Variants in SLC25A21 observed in about 807,000 individuals in gnomAD.
SLC25A21 encodes mitochondrial 2-oxodicarboxylate carrier.
Under a neutral mutation model 43.8 loss-of-function variants are expected in SLC25A21, and 47 were observed. The observed-to-expected ratio is 1.07, with a 90% CI of 0.85 to 1.37. The LOEUF is 1.37. SLC25A21 is among the 40% of genes most tolerant of loss of function. The probability of loss-of-function intolerance (pLI) is 0.00; values close to 1 mark genes in which losing one functional copy is unlikely to be tolerated. For missense variants in SLC25A21, 352 were observed against 350.2 expected (o/e 1.00, Z -0.04); for synonymous variants, 131 against 121.3 (o/e 1.08, Z -0.52).
chr14:36,711,098 C>G (rs776571398), intron 7 of SLC25A21, among the ~76,000 whole-genome samples: 10 of 152,206 alleles, frequency 6.6e-5, no homozygotes, highest in Non-Finnish European at 1.0e-4. Context: ...CTCAACTTTA[C>G]TGTCTACTAT....
At chr14:36,883,026 T>A (rs2564848) in intron 1 of SLC25A21, among the ~76,000 whole-genome samples, 2 of 152,014 alleles carry the variant, frequency 1.3e-5, no homozygotes, top group South Asian at 2.1e-4. Context: ...AGCAGATCAA[T>A]GGTAGCAGGC....
At chr14:36,864,297 A>C (rs1188770902) in intron 2 of SLC25A21, among the ~76,000 whole-genome samples, 1 of 152,224 alleles carries the variant, frequency 6.6e-6, no homozygotes, top group Non-Finnish European at 1.5e-5. Flanking sequence ...ATATTAATTC[A>C]TTTAAAACCA....
intron 1 of SLC25A21, among the ~76,000 whole-genome samples, chr14:36,884,145 C>A (rs944399346): frequency 6.6e-6 from 1 of 152,174 alleles, no homozygotes; most frequent in Non-Finnish European, 1.5e-5. Context: ...CCCATCCACT[C>A]TTCTCTCCCA....
intron 2 of SLC25A21, among the ~76,000 whole-genome samples, chr14:36,842,286 A>G (rs1431687497): frequency 5.3e-5 from 8 of 152,212 alleles, no homozygotes; most frequent in Admixed American, 3.3e-4. Context: ...GAAAAATGCT[A>G]CATTTCTCAA....
intron 1 of SLC25A21, among the ~76,000 whole-genome samples, chr14:37,141,337 C>T (rs969451293): frequency 6.6e-6 from 1 of 152,062 alleles, no homozygotes; most frequent in Non-Finnish European, 1.5e-5. Context: ...CAATGTAAAG[C>T]ATGTTTTTGT....
At chr14:36,784,772 T>C (rs1437880860) in intron 3 of SLC25A21, among the ~76,000 whole-genome samples, 1 of 152,160 alleles carries the variant, frequency 6.6e-6, no homozygotes, top group Non-Finnish European at 1.5e-5. Flanking sequence ...ACTGTGTGAG[T>C]CTTACCATGT....
At chr14:36,820,869 A>G (rs1205142807) in intron 2 of SLC25A21, among the ~76,000 whole-genome samples, 1 of 152,200 alleles carries the variant, frequency 6.6e-6, no homozygotes, top group African/African-American at 2.4e-5. Flanking sequence ...TGAATATTAC[A>G]CGTGTTCCTC....
At chr14:36,736,134 A>C (rs1885030927) in intron 3 of SLC25A21, among the ~76,000 whole-genome samples, 1 of 151,710 alleles carries the variant, frequency 6.6e-6, no homozygotes, top group South Asian at 2.1e-4. Context: ...ATGGGGTTTC[A>C]CCGTGTTAGC....
chr14:37,095,726 C>T (rs1444832991), intron 1 of SLC25A21, among the ~76,000 whole-genome samples: 2 of 151,498 alleles, frequency 1.3e-5, no homozygotes, highest in Non-Finnish European at 2.9e-5. Flanking sequence ...CTCATCTCTA[C>T]TAAAACATAA....
At chr14:36,898,805 G>A (rs1045093101) in intron 1 of SLC25A21, among the ~76,000 whole-genome samples, 1 of 152,156 alleles carries the variant, frequency 6.6e-6, no homozygotes, top group Non-Finnish European at 1.5e-5. Context: ...GTTGATCAAA[G>A]GATACACCAT....
chr14:36,877,141 C>T (rs1427446969), intron 1 of SLC25A21, among the ~76,000 whole-genome samples: 2 of 152,162 alleles, frequency 1.3e-5, no homozygotes, highest in East Asian at 3.9e-4. Flanking sequence ...TACTCAGAAT[C>T]AGTTTACCAA....
chr14:37,159,192 CA>C (rs1416006329), intron 1 of SLC25A21, among the ~76,000 whole-genome samples: 2 of 139,968 alleles, frequency 1.4e-5, no homozygotes, highest in African/African-American at 5.3e-5. Flanking sequence ...CAATCCCTAT[CA>C]AAAATTTGGC....
chr14:37,074,666 T>C (rs779375538), intron 1 of SLC25A21, among the ~76,000 whole-genome samples: 1 of 151,918 alleles, frequency 6.6e-6, no homozygotes. Context: ...ACCCCGTCTC[T>C]ACTAAAAATA....
intron 1 of SLC25A21, among the ~76,000 whole-genome samples, chr14:37,139,071 C>T (rs1053228828): frequency 2.6e-5 from 4 of 152,036 alleles, no homozygotes; most frequent in African/African-American, 9.7e-5. Flanking sequence ...ATACAGGAAT[C>T]GCATTAATCC....
At chr14:36,800,991 C>T (rs572721348) in intron 3 of SLC25A21, among the ~76,000 whole-genome samples, 1 of 152,090 alleles carries the variant, frequency 6.6e-6, no homozygotes, top group East Asian at 1.9e-4. Flanking sequence ...ACAGAAAATA[C>T]CTTCATTTTG....
chr14:37,119,931 C>T (rs1334865503), intron 1 of SLC25A21, among the ~76,000 whole-genome samples: 1 of 152,090 alleles, frequency 6.6e-6, no homozygotes, highest in East Asian at 1.9e-4. Context: ...GATATGATAT[C>T]TGCCACAATG....
intron 1 of SLC25A21, among the ~76,000 whole-genome samples, chr14:37,060,141 T>C (rs1043481117): frequency 7.9e-5 from 12 of 151,040 alleles, no homozygotes; most frequent in Non-Finnish European, 1.3e-4. Flanking sequence ...CTTGGGCAGG[T>C]AATTTAGGTA....
chr14:37,152,413 G>A (rs1321048040), intron 1 of SLC25A21, among the ~76,000 whole-genome samples: 7 of 128,560 alleles, frequency 5.4e-5, no homozygotes, highest in Admixed American at 9.2e-5. Context: ...ACAGAGTCTC[G>A]CTCTCTCACC....
intron 7 of SLC25A21, among the ~76,000 whole-genome samples, chr14:36,686,639 T>G (rs1442761647): frequency 6.6e-6 from 1 of 152,254 alleles, no homozygotes; most frequent in Non-Finnish European, 1.5e-5. Flanking sequence ...AGTATTATTA[T>G]GTAGCCTGTT....
Sources: gnomAD v4.1 joint callset for allele counts (sites outside exome capture counted in the v4.1 genomes callset) on GRCh38, gnomAD v4.1.1 for gene constraint, MANE v1.5 for transcripts, NCBI Gene and HGNC (gene_info 2026-07-23, HGNC 2026-07-21) for gene names.